The following SPDEF variants were observed in gnomAD, a reference collection of about 807,000 sequenced individuals.
SPDEF encodes SAM pointed domain-containing Ets transcription factor.
Under a neutral mutation model 36.0 loss-of-function variants are expected in SPDEF, and 12 were observed. The ratio of observed to expected loss-of-function variants is 0.33; its 90% CI spans 0.21 to 0.54. The LOEUF (loss-of-function observed/expected upper bound fraction) is 0.54. Among genes scored for constraint, SPDEF ranks in the 20% least tolerant of loss-of-function variants. SPDEF has a pLI of 0.93. For synonymous variants in SPDEF, 205 were observed against 193.0 expected, an observed-to-expected ratio of 1.06 and a Z score of -0.51; for missense variants, 388 against 456.9, an observed-to-expected ratio of 0.85 and a Z score of 1.37.
intron 1 of SPDEF, among the ~76,000 whole-genome samples, chr6:34,549,146 T>C (rs1039103888): frequency 6.6e-6 from 1 of 152,078 alleles, no homozygotes; most frequent in Non-Finnish European, 1.5e-5. Context: ...AAACCTCGAG[T>C]TGATCTCTTC....
Position 34,539,476 on chromosome 6 carries a change from C to A in SPDEF, c.682+39G>T, listed in dbSNP as rs760291068. ...CATTGGCAGCCACCCCTCCACCCCA[C>A]CCGAGCCCCCGCCTCCACCCTGCCG... On this transcript the variant is annotated intron_variant, in intron 4 of 5. Coordinates refer to ENST00000374037, the MANE Select transcript of SPDEF (RefSeq NM_012391.3). The surrounding 1 kb of genome is among the most constrained non-coding windows in gnomAD (Gnocchi z 5.2). 3 of 1,569,192 alleles carry A rather than the reference C, an allele frequency of 1.9e-6. No homozygotes were observed. The highest frequency in any genetic ancestry group is 8.6e-7 in the Non-Finnish European group (1 of 1,160,748).
rs1767783119 is a variant in SPDEF, at chr6:34,539,965, C to G, written c.635-403G>C. Reference sequence around the variant, plus strand: ...GGCAGCAGTGGGTGCCCACTGAGATCAAGACAATTTAGACACTCAGGGGCT... The same window carrying G: ...GGCAGCAGTGGGTGCCCACTGAGATGAAGACAATTTAGACACTCAGGGGCT... On this transcript the variant is annotated intron_variant, in intron 3 of 5. Transcript: ENST00000374037. The surrounding 1 kb of genome is among the most constrained non-coding windows in gnomAD (Gnocchi z 5.2). Among the ~76,000 whole-genome samples, 1 of 152,142 alleles carries G rather than the reference C, an allele frequency of 6.6e-6. No homozygotes were observed. Among genetic ancestry groups the G allele is most frequent in the African/African-American group, 2.4e-5 (1 of 41,428 alleles).
intron 1 of SPDEF, among the ~76,000 whole-genome samples, chr6:34,554,488 T>C (rs544278938): frequency 1.3e-3 from 199 of 152,368 alleles, no homozygotes; most frequent in African/African-American, 4.4e-3. Flanking sequence ...CAGCTCTGGA[T>C]ACCCCCACGG....
Position 34,538,085 on chromosome 6 carries a change from C to G in SPDEF, c.*189G>C. On this transcript the variant is annotated 3_prime_UTR_variant, in exon 6 of 6. Transcript: ENST00000374037. This position sits in a 1 kb window ranked among gnomAD's most constrained non-coding sequence, Gnocchi z 5.9. ...GCCTGAGGAGGAAGCACCCCTGCCC[C>G]AGGGTCCCGAAGGCCCCAGAGGACC... is the stretch of plus-strand genomic sequence containing the variant. The G allele has an allele frequency of 1.7e-6, 1 of 579,564 alleles. No homozygotes were observed. The highest frequency in any genetic ancestry group is 3.0e-6 in the Non-Finnish European group (1 of 334,216). 35.9% of individuals were successfully genotyped at this position (579,564 alleles called of 1,614,324 possible).
At chr6:34,541,644 T>C (rs2127283681) in intron 2 of SPDEF, among the ~76,000 whole-genome samples, 1 of 152,352 alleles carries the variant, frequency 6.6e-6, no homozygotes, top group South Asian at 2.1e-4. Context: ...CTCCAGCCCC[T>C]GTATCTTACA....
intron 1 of SPDEF, among the ~76,000 whole-genome samples, chr6:34,549,221 C>G (rs923407250): frequency 2.0e-5 from 3 of 152,208 alleles, no homozygotes; most frequent in African/African-American, 7.2e-5. Context: ...TCCAGAGGCC[C>G]CAGATCCCAC....
intron 1 of SPDEF, among the ~76,000 whole-genome samples, chr6:34,545,414 G>A (rs575735556): frequency 2.6e-5 from 4 of 152,384 alleles, no homozygotes; most frequent in South Asian, 2.1e-4. Flanking sequence ...GCCCTCCGGG[G>A]GAACCATCTG....
At chr6:34,549,855 A>T (rs923052169) in intron 1 of SPDEF, among the ~76,000 whole-genome samples, 4 of 152,296 alleles carry the variant, frequency 2.6e-5, no homozygotes, top group African/African-American at 9.6e-5. Context: ...CAGGAGGAAG[A>T]GGTCTGATGG....
intron 2 of SPDEF, among the ~76,000 whole-genome samples, chr6:34,543,145 G>A (rs187228316): frequency 0.013 from 1,674 of 127,308 alleles, 15 homozygotes; most frequent in Non-Finnish European, 0.02. Flanking sequence ...TGAGTGAGCC[G>A]AGATTGCACC....
chr6:34,547,648 C>T (rs1003588438), intron 1 of SPDEF, among the ~76,000 whole-genome samples: 3 of 152,142 alleles, frequency 2.0e-5, no homozygotes, highest in Non-Finnish European at 4.4e-5. Flanking sequence ...ATTATAGGCA[C>T]AAGCTACCTC....
chr6:34,545,913 GA>G (rs757557666), intron 1 of SPDEF, among the ~76,000 whole-genome samples: 13 of 144,650 alleles, frequency 9.0e-5, no homozygotes, highest in East Asian at 8.0e-4. Flanking sequence ...ACTCCGTCTC[GA>G]AAAAAAAAAC....
chr6:34,549,669 TG>T (rs1768021099), intron 1 of SPDEF, among the ~76,000 whole-genome samples: 1 of 152,150 alleles, frequency 6.6e-6, no homozygotes, highest in Non-Finnish European at 1.5e-5. Context: ...CCCTACCTCC[TG>T]GGGAGATGGT....
intron 2 of SPDEF, among the ~76,000 whole-genome samples, chr6:34,541,888 T>G (rs543996766): frequency 6.6e-6 from 1 of 152,326 alleles, no homozygotes; most frequent in African/African-American, 2.4e-5. Flanking sequence ...AGGTGGGGGA[T>G]AGGCTGGTGG....
At position 34,555,677 on chromosome 6, in the gene SPDEF, C is replaced by A. The variant is rs1768152207; in HGVS notation, c.-30+252G>T. ...GGCAGACTGGGCTCAGTGTGGGGGA[C>A]CCCAGGCCTTGCCGGGCAAGGGGGC... is the stretch of plus-strand genomic sequence containing the variant. On this transcript the variant is annotated intron_variant, in intron 1 of 5. Coordinates refer to ENST00000374037, the MANE Select transcript of SPDEF (RefSeq NM_012391.3). The surrounding 1 kb of genome is among the most constrained non-coding windows in gnomAD (Gnocchi z 5.2). 6.6e-6 allele frequency among the ~76,000 whole-genome samples: 1 copy of A among 151,874 alleles called. No homozygotes were observed. Among genetic ancestry groups the A allele is most frequent in the Non-Finnish European group, 1.5e-5 (1 of 67,948 alleles).
In SPDEF at chr6:34,544,623, A is replaced by G. The variant is rs1269834516; in HGVS notation, c.-29-139T>C. On this transcript the variant is annotated intron_variant, in intron 1 of 5. Transcript: ENST00000374037. The surrounding 1 kb of genome is among the most constrained non-coding windows in gnomAD (Gnocchi z 4.4). Reference sequence around the variant, plus strand: ...GTTGGGGGCTTCCGGGTCATTGGGCAGCCACGACATGGTTGGGCAGACAGG... The same window carrying G: ...GTTGGGGGCTTCCGGGTCATTGGGCGGCCACGACATGGTTGGGCAGACAGG... The G allele has an allele frequency of 4.6e-6, 3 of 646,858 alleles. No homozygotes were observed. The highest frequency in any genetic ancestry group is 7.4e-6 in the Non-Finnish European group (3 of 404,340). The allele number at this position is 646,858 out of a possible 1,614,324, so 40.1% of individuals were successfully genotyped here.
In SPDEF at chr6:34,542,544, T is replaced by C. The variant is rs146313774; in HGVS notation, c.437-1363A>G. On this transcript the variant is annotated intron_variant, in intron 2 of 5. Transcript: ENST00000374037. ...CAGCCCTACGAACACAGGGGCTGTG[T>C]TGTGTTCACCACTCAATTCCCCCGT... 5.8e-3 allele frequency among the ~76,000 whole-genome samples: 879 copies of C among 152,360 alleles called. 13 individuals carry two copies. The highest frequency in any genetic ancestry group is 4.5e-3 in the Non-Finnish European group (309 of 68,036).
At position 34,539,479 on chromosome 6, in the gene SPDEF, G is replaced by C; in HGVS notation, c.682+36C>G. 2 of 1,431,558 alleles carry C rather than the reference G, an allele frequency of 1.4e-6. No individual in the cohort carries two copies. Among genetic ancestry groups the C allele is most frequent in the Non-Finnish European group, 1.9e-6 (2 of 1,030,168 alleles). The allele number at this position is 1,431,558 out of a possible 1,614,324, so 88.7% of individuals were successfully genotyped here. ...TGGCAGCCACCCCTCCACCCCACCC[G>C]AGCCCCCGCCTCCACCCTGCCGCTG... On this transcript the variant is annotated intron_variant, in intron 4 of 5. Coordinates refer to ENST00000374037, the MANE Select transcript of SPDEF (RefSeq NM_012391.3). The surrounding 1 kb of genome is among the most constrained non-coding windows in gnomAD (Gnocchi z 5.2).
chr6:34,549,833 C>A (rs1768023454), intron 1 of SPDEF, among the ~76,000 whole-genome samples: 2 of 152,244 alleles, frequency 1.3e-5, no homozygotes, highest in Admixed American at 6.5e-5. Flanking sequence ...CAGCCCCCAG[C>A]CGGCCTCACT....
Position 34,538,564 on chromosome 6 carries a change from G to A in SPDEF, c.830-112C>T. On this transcript the variant is annotated intron_variant, in intron 5 of 5. Coordinates refer to ENST00000374037, the MANE Select transcript of SPDEF (RefSeq NM_012391.3). This position sits in a 1 kb window ranked among gnomAD's most constrained non-coding sequence, Gnocchi z 5.9. ...GCGAACCAAGGGACCCCGTGCAGAG[G>A]CCTCCCCCTGCTCGGGTGGGGCGGG... The A allele has an allele frequency of 1.9e-6, 2 of 1,077,998 alleles. No homozygotes were observed. The highest frequency in any genetic ancestry group is 2.4e-5 in the East Asian group (1 of 41,508). 66.8% of individuals were successfully genotyped at this position (1,077,998 alleles called of 1,614,324 possible). A position where few individuals can be genotyped will look rare whatever the true frequency, so the allele number is the denominator to read the frequency against.
Sources: allele counts gnomAD v4.1 joint callset (sites outside exome capture counted in the v4.1 genomes callset), GRCh38; gene constraint gnomAD v4.1.1; non-coding constraint Gnocchi (gnomAD v3.1); transcripts MANE v1.5; gene names NCBI Gene and HGNC (gene_info 2026-07-23, HGNC 2026-07-21).